The following TVP23C variants were observed in gnomAD, a reference collection of about 807,000 sequenced individuals.
TVP23C encodes trans-golgi network vesicle protein 23 homolog C.
TVP23C carries 19 observed loss-of-function variants against 28.7 expected under a neutral mutation model. That is an observed-to-expected ratio of 0.66 (90% CI 0.46 to 0.97). The LOEUF is 0.97. Ranked by LOEUF, TVP23C falls within the 50% of genes least tolerant of loss-of-function variation. The pLI is 0.00. For missense variants in TVP23C, 186 were observed against 241.3 expected (o/e 0.77, Z 1.52); for synonymous variants, 68 against 81.7 (o/e 0.83, Z 0.90).
At chr17:15,507,279 C>T (rs1567629194) in intron 5 of TVP23C, 1 of 748,352 alleles carries the variant, frequency 1.3e-6, no homozygotes, top group Non-Finnish European at 2.4e-6. Flanking sequence ...TATTGTGAAG[C>T]CCATGGAGCG....
At position 15,537,509 on chromosome 17, in the gene TVP23C, C is replaced by T; in HGVS notation, c.*2903G>A. On this transcript the variant is annotated 3_prime_UTR_variant, in exon 6 of 6. Coordinates refer to ENST00000518321, the MANE Select transcript of TVP23C (RefSeq NM_001135036.2). ...GATGATTCCACTTATATTAACTGGG[C>T]CTTAAGTAGATAACTTCTTACAAAC... The T allele has an allele frequency of 1.0e-6, 1 of 984,700 alleles. No homozygotes were observed. Among genetic ancestry groups the T allele is most frequent in the South Asian group, 4.7e-5 (1 of 21,274 alleles). 61.0% of individuals were successfully genotyped at this position (984,700 alleles called of 1,614,324 possible). A position where few individuals can be genotyped will look rare whatever the true frequency, so the allele number is the denominator to read the frequency against.
chr17:15,551,180 G>C (rs2875144), intron 3 of TVP23C, among the ~76,000 whole-genome samples: 2 of 151,170 alleles, frequency 1.3e-5, no homozygotes, highest in East Asian at 1.9e-4. Context: ...GCAGTGGCGC[G>C]ATCTCGGCTC....
chr17:15,523,586 G>A (rs1453925212), intron 5 of TVP23C, among the ~76,000 whole-genome samples: 1 of 151,796 alleles, frequency 6.6e-6, no homozygotes, highest in Non-Finnish European at 1.5e-5. Flanking sequence ...TGAGATTACA[G>A]GCATGAGCAC....
intron 3 of TVP23C, among the ~76,000 whole-genome samples, chr17:15,550,296 G>A (rs560184648): frequency 6.6e-5 from 10 of 152,192 alleles, no homozygotes; most frequent in African/African-American, 1.9e-4. Flanking sequence ...GTAGTAGTTC[G>A]CTTTTTTAAA....
intron 5 of TVP23C, among the ~76,000 whole-genome samples, chr17:15,506,668 G>A (rs139172984): frequency 0.011 from 1,739 of 152,250 alleles, 34 homozygotes; most frequent in African/African-American, 0.04. Flanking sequence ...AACACTCACC[G>A]CAAAGGTCTG....
intron 1 of TVP23C, among the ~76,000 whole-genome samples, chr17:15,556,691 A>T (rs189330): frequency 0.37 from 55,409 of 151,772 alleles, 10,379 homozygotes; most frequent in East Asian, 0.54. Flanking sequence ...TCACACCTCA[A>T]TTCACTGCAA....
At chr17:15,508,297 T>C (rs7209897) in intron 5 of TVP23C, among the ~76,000 whole-genome samples, 117,958 of 152,134 alleles carry the variant, frequency 0.78, 46,651 homozygotes, top group Middle Eastern at 0.89. Context: ...CTGCCCCTCA[T>C]TGGAGATGAG....
chr17:15,505,741 G>C (rs1430159826), intron 5 of TVP23C, among the ~76,000 whole-genome samples: 1 of 152,218 alleles, frequency 6.6e-6, no homozygotes, highest in Non-Finnish European at 1.5e-5. Flanking sequence ...GCGCTTGCGG[G>C]CCAGCTGGAG....
rs1291287706 is a variant in TVP23C at position 15,559,650 on chromosome 17, C to T, written c.12+3787G>A. 3.4e-5 allele frequency among the ~76,000 whole-genome samples: 5 copies of T among 148,540 alleles called. No homozygotes were observed. The Admixed American group carries it at 3.4e-4, about 10-fold the overall frequency. ...ACTGGTTAGGAAACTACTTTAATCA[C>T]GAGGCCAAGAAGTAGTGGCTTGGTC... On this transcript the variant is annotated intron_variant, in intron 1 of 5. Coordinates refer to ENST00000518321, the MANE Select transcript of TVP23C (RefSeq NM_001135036.2).
chr17:15,525,013 C>T (rs1285362596), intron 5 of TVP23C, among the ~76,000 whole-genome samples: 1 of 152,238 alleles, frequency 6.6e-6, no homozygotes, highest in African/African-American at 2.4e-5. Flanking sequence ...AGCCAGATCT[C>T]CAGGAATGAG....
intron 5 of TVP23C, among the ~76,000 whole-genome samples, chr17:15,517,605 G>A (rs1280925969): frequency 2.6e-5 from 4 of 152,202 alleles, no homozygotes; most frequent in Non-Finnish European, 5.9e-5. Context: ...ATGGTGCACA[G>A]TCGACCTATA....
Position 15,502,604 on chromosome 17 carries a change from C to T in TVP23C, c.*260G>A, listed in dbSNP as rs970111907. On this transcript the variant is annotated 3_prime_UTR_variant, in exon 6 of 6. Transcript: ENST00000225576. ...GGCCCTGCCCCACAAAGCAGGCGTGCTGGGGGCTGCTTGGCCAGGAAAGCG... is the reference window on the plus strand; with the variant it reads ...GGCCCTGCCCCACAAAGCAGGCGTGTTGGGGGCTGCTTGGCCAGGAAAGCG... 64 of 482,676 alleles carry T rather than the reference C, an allele frequency of 1.3e-4. 1 individual carries two copies. Among genetic ancestry groups the T allele is most frequent in the Middle Eastern group, 5.5e-4 (1 of 1,814 alleles). 29.9% of individuals were successfully genotyped at this position (482,676 alleles called of 1,614,324 possible). A position where few individuals can be genotyped will look rare whatever the true frequency, so the allele number is the denominator to read the frequency against.
At chr17:15,549,871 G>GAA (rs1983812152) in intron 3 of TVP23C, among the ~76,000 whole-genome samples, 1 of 151,066 alleles carries the variant, frequency 6.6e-6, no homozygotes, top group African/African-American at 2.4e-5. Context: ...TACAGGAGAA[G>GAA]AAAAGGAAGA....
chr17:15,547,962 A>G (rs1174197467), intron 3 of TVP23C, among the ~76,000 whole-genome samples: 1 of 152,108 alleles, frequency 6.6e-6, no homozygotes, highest in African/African-American at 2.4e-5. Flanking sequence ...GTGAACCTCG[A>G]TGGGTAAAAA....
At chr17:15,520,114 A>G (rs1338161379) in intron 5 of TVP23C, among the ~76,000 whole-genome samples, 1 of 150,640 alleles carries the variant, frequency 6.6e-6, no homozygotes, top group Non-Finnish European at 1.5e-5. Context: ...TGCCCACTCC[A>G]GCCTGATCAA....
rs1284775943 is a variant in TVP23C, at chr17:15,538,851, C to T, written c.*1561G>A. 3.0e-6 allele frequency: 3 copies of T among 985,670 alleles called. No homozygotes were observed. Among genetic ancestry groups the T allele is most frequent in the Non-Finnish European group, 3.6e-6 (3 of 829,938 alleles). The allele number at this position is 985,670 out of a possible 1,614,324, so 61.1% of individuals were successfully genotyped here. On this transcript the variant is annotated 3_prime_UTR_variant, in exon 6 of 6. Coordinates refer to ENST00000518321, the MANE Select transcript of TVP23C (RefSeq NM_001135036.2). ...ATGAAAGTTACCCTAAGGTGGACCACAGTAAAGGTATATTGGAGCCATGCA... is the reference window on the plus strand; with the variant it reads ...ATGAAAGTTACCCTAAGGTGGACCATAGTAAAGGTATATTGGAGCCATGCA...
At chr17:15,517,246 T>C (rs60427083) in intron 5 of TVP23C, among the ~76,000 whole-genome samples, 3,059 of 152,328 alleles carry the variant, frequency 0.02, 95 homozygotes, top group African/African-American at 0.071. Context: ...CTCAATTTCA[T>C]AGCCCTGTTC....
intron 5 of TVP23C, among the ~76,000 whole-genome samples, chr17:15,528,468 G>C (rs972112759): frequency 6.6e-6 from 1 of 152,036 alleles, no homozygotes; most frequent in Non-Finnish European, 1.5e-5. Flanking sequence ...ATTATACTTT[G>C]TATGACTTCG....
chr17:15,518,888 A>AG (rs558143557), intron 5 of TVP23C, among the ~76,000 whole-genome samples: 1 of 152,116 alleles, frequency 6.6e-6, no homozygotes, highest in Non-Finnish European at 1.5e-5. Flanking sequence ...CCACGTGTCG[A>AG]GGGGGGACCT....
Sources: gnomAD v4.1 joint callset for allele counts (sites outside exome capture counted in the v4.1 genomes callset) on GRCh38, gnomAD v4.1.1 for gene constraint, MANE v1.5 for transcripts, NCBI Gene and HGNC (gene_info 2026-07-23, HGNC 2026-07-21) for gene names.